Variants in FCHSD2 observed in about 807,000 individuals in gnomAD.
The protein encoded by FCHSD2 is F-BAR and double SH3 domains protein 2.
A neutral mutation model predicts 108.1 loss-of-function variants in FCHSD2; 38 were observed. The ratio of observed to expected loss-of-function variants is 0.35; its 90% confidence interval spans 0.27 to 0.46. The LOEUF is 0.46. FCHSD2 is among the 20% of genes least tolerant of loss of function. FCHSD2 has a pLI of 1.00. For missense variants in FCHSD2, 751 were observed against 897.8 expected, an observed-to-expected ratio of 0.84 and a Z score of 2.09; for synonymous variants, 279 against 314.7, an observed-to-expected ratio of 0.89 and a Z score of 1.20.
intron 5 of FCHSD2, among the ~76,000 whole-genome samples, chr11:72,996,049 G>T (rs754414062): frequency 6.6e-6 from 1 of 152,122 alleles, no homozygotes; most frequent in South Asian, 2.1e-4. Context: ...TTAGGAAATT[G>T]GGAGAATGAG....
intron 2 of FCHSD2, among the ~76,000 whole-genome samples, chr11:73,138,986 T>C (rs1245306731): frequency 6.6e-6 from 1 of 152,196 alleles, no homozygotes; most frequent in Non-Finnish European, 1.5e-5. Context: ...ATTAAAATTG[T>C]AATTTTCAGT....
intron 8 of FCHSD2, among the ~76,000 whole-genome samples, chr11:72,959,044 G>C (rs983568931): frequency 5.3e-5 from 8 of 150,068 alleles, no homozygotes; most frequent in Admixed American, 6.7e-5. Flanking sequence ...TGCGTGCATG[G>C]GACACACATC....
intron 5 of FCHSD2, among the ~76,000 whole-genome samples, chr11:72,990,213 C>T (rs1857384978): frequency 6.6e-6 from 1 of 152,162 alleles, no homozygotes; most frequent in African/African-American, 2.4e-5. Context: ...CTGCACGAAA[C>T]TGGGCCTTTG....
At chr11:72,855,086 C>T (rs549661132) in intron 13 of FCHSD2, among the ~76,000 whole-genome samples, 2 of 152,264 alleles carry the variant, frequency 1.3e-5, no homozygotes, top group East Asian at 3.9e-4. Context: ...CCAGTCTGAC[C>T]AACATGGAGA....
chr11:72,973,164 T>TC (rs1196827490), intron 8 of FCHSD2, among the ~76,000 whole-genome samples: 6 of 152,110 alleles, frequency 3.9e-5, no homozygotes, highest in Non-Finnish European at 7.4e-5. Flanking sequence ...GGTCAGGAGT[T>TC]CAAGACCAGC....
chr11:73,030,736 A>G (rs1051100237), intron 3 of FCHSD2, among the ~76,000 whole-genome samples: 14 of 152,234 alleles, frequency 9.2e-5, no homozygotes, highest in Non-Finnish European at 1.6e-4. Flanking sequence ...AAATTTTGCT[A>G]TACATATTGA....
intron 2 of FCHSD2, among the ~76,000 whole-genome samples, chr11:73,109,014 T>C (rs966311014): frequency 2.0e-5 from 3 of 152,220 alleles, no homozygotes; most frequent in Non-Finnish European, 4.4e-5. Flanking sequence ...TGTATGTTCT[T>C]TGCACCTTTG....
chr11:72,907,450 G>A (rs758097225), intron 9 of FCHSD2, among the ~76,000 whole-genome samples: 1 of 143,642 alleles, frequency 7.0e-6, no homozygotes, highest in Admixed American at 6.9e-5. Flanking sequence ...TGCCCATTCA[G>A]TATAATATTG....
intron 8 of FCHSD2, among the ~76,000 whole-genome samples, chr11:72,925,011 T>C (rs1323971865): frequency 1.3e-5 from 2 of 152,076 alleles, no homozygotes; most frequent in Non-Finnish European, 2.9e-5. Flanking sequence ...CAGGAAACCA[T>C]TGGAGTATTT....
chr11:72,997,339 G>A (rs1045484367), intron 5 of FCHSD2, among the ~76,000 whole-genome samples: 4 of 152,098 alleles, frequency 2.6e-5, no homozygotes, highest in Non-Finnish European at 4.4e-5. Flanking sequence ...CCTAAAACCA[G>A]AGATCCTAAC....
chr11:72,847,510 CAA>C (rs1177943522), intron 14 of FCHSD2, among the ~76,000 whole-genome samples: 1 of 151,970 alleles, frequency 6.6e-6, no homozygotes, highest in Non-Finnish European at 1.5e-5. Flanking sequence ...AGCGGGGAGT[CAA>C]AGAAATATGA....
intron 19 of FCHSD2, 89 bp downstream of exon 19, chr11:72,840,788 C>T: frequency 1.0e-6 from 1 of 964,178 alleles, no homozygotes; most frequent in Middle Eastern, 2.1e-4. Context: ...TAGTCAGTAA[C>T]AACACAGGGG....
At chr11:72,992,023 G>C (rs1857425457) in intron 5 of FCHSD2, among the ~76,000 whole-genome samples, 1 of 152,168 alleles carries the variant, frequency 6.6e-6, no homozygotes, top group African/African-American at 2.4e-5. Context: ...CATCGTCTCA[G>C]CCCAAAATCT....
chr11:73,127,417 T>G, intron 2 of FCHSD2, among the ~76,000 whole-genome samples: 1 of 152,208 alleles, frequency 6.6e-6, no homozygotes, highest in East Asian at 1.9e-4. Context: ...ACAGAACATC[T>G]GCAGCAGTGG....
intron 12 of FCHSD2, among the ~76,000 whole-genome samples, chr11:72,869,185 G>C (rs185398608): frequency 7.2e-5 from 11 of 152,200 alleles, no homozygotes; most frequent in African/African-American, 2.6e-4. Context: ...GGGATTACAG[G>C]CATGAGCCAC....
intron 9 of FCHSD2, among the ~76,000 whole-genome samples, chr11:72,918,652 T>A (rs1200904597): frequency 6.6e-6 from 1 of 152,202 alleles, no homozygotes; most frequent in Non-Finnish European, 1.5e-5. Context: ...TATCTACTTT[T>A]TTTGGTTAGA....
At chr11:72,896,313 T>C (rs1317022785) in intron 10 of FCHSD2, among the ~76,000 whole-genome samples, 1 of 152,208 alleles carries the variant, frequency 6.6e-6, no homozygotes, top group Non-Finnish European at 1.5e-5. Context: ...TGAGGAAGTT[T>C]CCGTGTTTTT....
chr11:73,077,715 C>T (rs1468034334), intron 3 of FCHSD2: 1 of 353,812 alleles, frequency 2.8e-6, no homozygotes, highest in African/African-American at 2.2e-5. Context: ...CACACAACAA[C>T]ATAAACTACA....
chr11:73,011,964 C>A (rs1482917474), intron 4 of FCHSD2, among the ~76,000 whole-genome samples: 2 of 152,024 alleles, frequency 1.3e-5, no homozygotes, highest in Non-Finnish European at 2.9e-5. Context: ...CCTTGAAGAC[C>A]CTCCCTCCAA....
Sources: allele counts gnomAD v4.1 joint callset (sites outside exome capture counted in the v4.1 genomes callset), GRCh38; gene constraint gnomAD v4.1.1; transcripts MANE v1.5; gene names NCBI Gene and HGNC (gene_info 2026-07-23, HGNC 2026-07-21).